The following PHOSPHO1 variants were observed in gnomAD, a reference collection of about 807,000 sequenced individuals.
The protein encoded by PHOSPHO1 is phosphoethanolamine/phosphocholine phosphatase.
PHOSPHO1 carries 6 observed loss-of-function variants against 17.7 expected under a neutral mutation model. The ratio of observed to expected loss-of-function variants is 0.34; its 90% CI spans 0.19 to 0.67. The LOEUF (loss-of-function observed/expected upper bound fraction) is 0.67. Among genes scored for constraint, PHOSPHO1 ranks in the 30% least tolerant of loss-of-function variants. The pLI is 0.69. For missense variants in PHOSPHO1, 330 were observed against 392.1 expected (o/e 0.84, Z 1.34); for synonymous variants, 159 against 174.6 (o/e 0.91, Z 0.71).
intron 1 of PHOSPHO1, among the ~76,000 whole-genome samples, chr17:49,230,237 G>T (rs1005848213): frequency 6.6e-6 from 1 of 152,084 alleles, no homozygotes; most frequent in African/African-American, 2.4e-5. Flanking sequence ...TCGGGGAGGG[G>T]TATTGTGGGT....
At chr17:49,228,188 A>C (rs1443701210) in intron 1 of PHOSPHO1, among the ~76,000 whole-genome samples, 1 of 152,128 alleles carries the variant, frequency 6.6e-6, no homozygotes, top group Admixed American at 6.5e-5. Context: ...CCCAGAGACC[A>C]GCTTTCATCC....
chr17:49,224,808 T>C lies in PHOSPHO1; in HGVS notation c.242A>G (p.Glu81Gly). 6.2e-7 allele frequency: 1 copy of C among 1,600,898 alleles called. No individual in the cohort carries two copies. The highest frequency in any genetic ancestry group is 1.1e-5 in the South Asian group (1 of 89,150). ...YMQRVFKYLG[E>G]QGVRPRDLSA... ...CAGGTCCCGCGGCCGCACGCCCTGC[T>C]CGCCCAGGTACTTGAAGACGCGCTG... Residue 81 changes from glutamate to glycine, a missense_variant, in exon 3 of 3, where the codon GAG (glutamate) becomes GGG (glycine). Transcript: ENST00000310544.
At chr17:49,225,396 C>T (rs184734036) in intron 2 of PHOSPHO1, 3 of 985,392 alleles carry the variant, frequency 3.0e-6, no homozygotes, top group African/African-American at 1.7e-5. Flanking sequence ...CTTCCAGTGG[C>T]CCCTGTTGTT....
intron 1 of PHOSPHO1, among the ~76,000 whole-genome samples, chr17:49,229,297 A>G (rs2043390642): frequency 6.6e-6 from 1 of 152,032 alleles, no homozygotes; most frequent in Admixed American, 6.6e-5. Context: ...TTTTGTGGTC[A>G]CCAAACAGAG....
In PHOSPHO1 at chr17:49,224,274, T is replaced by G; in HGVS notation, c.776A>C (p.His259Pro). 1 of 1,593,506 alleles carries G rather than the reference T, an allele frequency of 6.3e-7. No homozygotes were observed. The highest frequency in any genetic ancestry group is 1.3e-5 in the African/African-American group (1 of 74,830). ...PWETAADVRL[H>P]LQQVLKSC Reference sequence around the variant, plus strand: ...GCACGACTTCAGCACCTGTTGCAGGTGGAGGCGCACATCTGCAGCCGTTTC... The same window carrying G: ...GCACGACTTCAGCACCTGTTGCAGGGGGAGGCGCACATCTGCAGCCGTTTC... The change falls in exon 3 of 3, where the codon CAC becomes CCC. Residue 259 changes from histidine (H) to proline (P), a missense_variant. Transcript: ENST00000310544.
chr17:49,228,836 CAT>C (rs2043386704), intron 1 of PHOSPHO1, among the ~76,000 whole-genome samples: 1 of 149,910 alleles, frequency 6.7e-6, no homozygotes, highest in African/African-American at 2.5e-5. Flanking sequence ...AGCTTGTGCC[CAT>C]AGTCCCAGCT....
rs368662026 is a variant in PHOSPHO1, at chr17:49,224,218, C to A, written c.*28G>T. On this transcript the variant is annotated 3_prime_UTR_variant, in exon 3 of 3. Coordinates refer to ENST00000310544, the MANE Select transcript of PHOSPHO1 (RefSeq NM_178500.4). ...CTTCCCCGCCCCCTCCGCCGTTGGC[C>A]CGGGTACCCCCCTGCAGGCGGCCAG... 24 of 1,525,248 alleles carry A rather than the reference C, an allele frequency of 1.6e-5. No individual in the cohort carries two copies. The African/African-American group carries it at 3.0e-4, about 19-fold the overall frequency. The allele number at this position is 1,525,248 out of a possible 1,614,324, so 94.5% of individuals were successfully genotyped here.
intron 2 of PHOSPHO1, 130 bp from the exon 3 acceptor site, chr17:49,225,134 G>A: frequency 7.0e-7 from 1 of 1,438,310 alleles, no homozygotes. Flanking sequence ...TCCAACACCT[G>A]AGGAGGACCC....
chr17:49,224,509 G>T lies in PHOSPHO1; in HGVS notation c.541C>A (p.Leu181Ile). The change falls in exon 3 of 3, where the codon CTC becomes ATC. Residue 181 changes from leucine to isoleucine, a missense_variant. Leu to Ile is a conservative substitution (Grantham distance 5, BLOSUM62 2). Coordinates refer to ENST00000310544, the MANE Select transcript of PHOSPHO1 (RefSeq NM_178500.4). ...GCCCGCTCGCGCAGGTAGTCGCTGA[G>T]CACCTTGTGCTTGCACATGTTGGCG... ...CPANMCKHKV[L>I]SDYLRERAHD... is the part of the protein sequence containing the mutation. The T allele has an allele frequency of 1.3e-6, 2 of 1,577,264 alleles. No individual in the cohort carries two copies. Among genetic ancestry groups the T allele is most frequent in the Non-Finnish European group, 8.6e-7 (1 of 1,164,594 alleles).
intron 2 of PHOSPHO1, 179 bp from the exon 3 acceptor site, chr17:49,225,183 C>CCT: frequency 7.0e-7 from 1 of 1,430,688 alleles, no homozygotes; most frequent in Admixed American, 2.9e-5. Flanking sequence ...AATGCCACCA[C>CCT]CTCTATCCCC....
Position 49,224,229 on chromosome 17 carries a change from C to T in PHOSPHO1, c.*17G>A, listed in dbSNP as rs764000625. The stretch of plus-strand genomic sequence containing the variant: ...CCTCCGCCGTTGGCCCGGGTACCCC[C>T]CTGCAGGCGGCCAGACTCAGCACGA... On this transcript the variant is annotated 3_prime_UTR_variant, in exon 3 of 3. Transcript: ENST00000310544. 8.4e-6 allele frequency: 13 copies of T among 1,546,516 alleles called. No individual in the cohort carries two copies. Among genetic ancestry groups the T allele is most frequent in the Middle Eastern group, 1.7e-4 (1 of 5,812 alleles).
At chr17:49,228,747 G>A (rs1291597759) in intron 1 of PHOSPHO1, among the ~76,000 whole-genome samples, 8 of 139,976 alleles carry the variant, frequency 5.7e-5, no homozygotes, top group African/African-American at 1.1e-4. Flanking sequence ...CCGAGATTGC[G>A]CCATTGCATT....
At position 49,224,937 on chromosome 17, in the gene PHOSPHO1, A is replaced by C. The variant is rs1330738813; in HGVS notation, c.113T>G (p.Val38Gly). The C allele has an allele frequency of 5.0e-6, 8 of 1,590,190 alleles. No homozygotes were observed. Among genetic ancestry groups the C allele is most frequent in the African/African-American group, 2.7e-5 (2 of 74,442 alleles). Residue 38 changes from valine (V) to glycine (G), a missense_variant, in exon 3 of 3, where the codon GTG (valine) becomes GGG (glycine). By Grantham distance (109) the Val-to-Gly change is moderately radical (BLOSUM62 -3). Transcript: ENST00000310544. ...GATCGAATCGTCGCTGTTTTCGTCC[A>C]CGATAGTCTCGTCGAAGTCGAAGGT... Reference protein sequence around the residue: ...LLTFDFDETIVDENSDDSIVR... With the variant: ...LLTFDFDETIGDENSDDSIVR...
rs59056166 is a variant in PHOSPHO1, at chr17:49,228,246, CTCCTTCCTTCCTTCCTTCCTTCCT to C, written c.-67-1512_-67-1489del. 8.7e-4 allele frequency among the ~76,000 whole-genome samples: 117 copies of C among 134,868 alleles called. No individual in the cohort carries two copies. The Middle Eastern group carries it at 0.022, about 26-fold the overall frequency. The allele number at this position is 134,868 out of a possible 152,430, so 88.5% of individuals were successfully genotyped here. ...TTGCCCTTCCTTCCTTCCTGTCTCT[CTCCTTCCTTCCTTCCTTCCTTCCT>C]TCCTTCCTTCCTTCCTTCCTTCCTT... On this transcript the variant is annotated intron_variant, in intron 1 of 2. Coordinates refer to ENST00000310544, the MANE Select transcript of PHOSPHO1 (RefSeq NM_178500.4).
chr17:49,224,595 G>C lies in PHOSPHO1; in HGVS notation c.455C>G (p.Pro152Arg). 6.4e-7 allele frequency: 1 copy of C among 1,568,092 alleles called. No individual in the cohort carries two copies. Among genetic ancestry groups the C allele is most frequent in the East Asian group, 2.3e-5 (1 of 42,930 alleles). Residue 152 changes from proline to arginine, a missense_variant, in exon 3 of 3, where the codon CCG becomes CGG. Pro to Arg is a moderately radical substitution (Grantham distance 103). Transcript: ENST00000310544. Reference protein sequence around the residue: ...FRRILSNPSGPDARGLLALRP... With the variant: ...FRRILSNPSGRDARGLLALRP... ...CAGAGCCAGCAGTCCCCGCGCATCC[G>C]GCCCCGACGGGTTGCTGAGGATGCG...
Position 49,224,199 on chromosome 17 carries a change from C to A in PHOSPHO1, c.*47G>T. ...CTGTCTTTGCCGAATCTCCCTTCCCCGCCCCCTCCGCCGTTGGCCCGGGTA... is the reference window on the plus strand; with the variant it reads ...CTGTCTTTGCCGAATCTCCCTTCCCAGCCCCCTCCGCCGTTGGCCCGGGTA... On this transcript the variant is annotated 3_prime_UTR_variant, in exon 3 of 3. Transcript: ENST00000310544. The A allele has an allele frequency of 6.7e-7, 1 of 1,503,532 alleles. No individual in the cohort carries two copies. The highest frequency in any genetic ancestry group is 1.3e-5 in the South Asian group (1 of 77,850). 93.1% of individuals were successfully genotyped at this position (1,503,532 alleles called of 1,614,324 possible). A position where few individuals can be genotyped will look rare whatever the true frequency, so the allele number is the denominator to read the frequency against.
intron 1 of PHOSPHO1, chr17:49,229,119 G>A (rs1003536104): frequency 6.6e-6 from 1 of 152,198 alleles, no homozygotes; most frequent in Admixed American, 6.5e-5. Context: ...AAGGCAGAAA[G>A]TCAGGCATCT....
chr17:49,226,886 C>A (rs2043363272), intron 1 of PHOSPHO1, 128 bp from the exon 2 acceptor site: 2 of 618,418 alleles, frequency 3.2e-6, no homozygotes, highest in Non-Finnish European at 5.8e-6. Context: ...GCAAAAACAA[C>A]CCCTCAAATA....
At position 49,224,869 on chromosome 17, in the gene PHOSPHO1, C is replaced by A; in HGVS notation, c.181G>T (p.Ala61Ser). 1 of 1,605,752 alleles carries A rather than the reference C, an allele frequency of 6.2e-7. No individual in the cohort carries two copies. ...PGQRLPESLR[A>S]TYREGFYNEY... is the part of the protein sequence containing the mutation. ...TTGTAGAAGCCCTCGCGGTAGGTGG[C>A]TCGCAGGCTCTCCGGGAGCCGCTGG... The change falls in exon 3 of 3, where the codon GCC (alanine) becomes TCC (serine). Residue 61 changes from alanine (A) to serine (S), a missense_variant. Physicochemically the swap from Ala to Ser is moderately conservative, Grantham distance 99 (BLOSUM62 1). Transcript: ENST00000310544.
Sources: allele counts gnomAD v4.1 joint callset (sites outside exome capture counted in the v4.1 genomes callset), GRCh38; gene constraint gnomAD v4.1.1; transcripts MANE v1.5; gene names NCBI Gene and HGNC (gene_info 2026-07-23, HGNC 2026-07-21).